The following PLAC1 variants were observed in gnomAD, a reference collection of about 807,000 sequenced individuals.
PLAC1 encodes placenta associated 1.
For missense variants in PLAC1, 136 were observed against 163.2 expected, an observed-to-expected ratio of 0.83 and a Z score of 0.91; for synonymous variants, 68 against 62.1, an observed-to-expected ratio of 1.09 and a Z score of -0.44.
intron 1 of PLAC1, among the ~76,000 whole-genome samples, chrX:134,631,612 G>A (rs985389528): frequency 1.8e-5 from 2 of 111,701 alleles, no homozygotes; most frequent in Non-Finnish European, 3.8e-5. Flanking sequence ...CGTGGGGGTT[G>A]GATTGAGCAA....
intron 2 of PLAC1, among the ~76,000 whole-genome samples, chrX:134,696,746 T>G (rs1395177836): frequency 9.0e-6 from 1 of 111,306 alleles, no homozygotes; most frequent in Non-Finnish European, 1.9e-5. Context: ...AATGTCTGTT[T>G]GGCCGGGCGC....
At chrX:134,613,997 T>C (rs1318235347) in intron 1 of PLAC1, among the ~76,000 whole-genome samples, 1 of 110,498 alleles carries the variant, frequency 9.0e-6, no homozygotes, top group Non-Finnish European at 1.9e-5. Flanking sequence ...GACCACTGTG[T>C]GAGCCCCTCC....
intron 2 of PLAC1, among the ~76,000 whole-genome samples, chrX:134,680,608 C>CT: frequency 9.0e-6 from 1 of 111,110 alleles, no homozygotes; most frequent in Non-Finnish European, 1.9e-5. Flanking sequence ...CTAAACTAAA[C>CT]ACCTTCCTTC....
chrX:134,756,318 C>T (rs1476925913), intron 1 of PLAC1, among the ~76,000 whole-genome samples: 2 of 108,363 alleles, frequency 1.8e-5, no homozygotes, highest in East Asian at 2.8e-4. Context: ...AATTAATCGA[C>T]GTTTTCTTCT....
intron 2 of PLAC1, among the ~76,000 whole-genome samples, chrX:134,725,972 G>A (rs2078673111): frequency 9.0e-6 from 1 of 111,611 alleles, no homozygotes; most frequent in South Asian, 3.8e-4. Context: ...ACTCCAGCCT[G>A]GGTGACAGAG....
In PLAC1 at chrX:134,566,537, C is replaced by G. The variant is rs201999132; in HGVS notation, c.146G>C (p.Cys49Ser). ...CAAGTGTAGTTCATGAAAGTGTACACACACATCGTTGTTTAGCATGAAGGG... is the reference window on the plus strand; with the variant it reads ...CAAGTGTAGTTCATGAAAGTGTACAGACACATCGTTGTTTAGCATGAAGGG... ...VHPFMLNNDVCVHFHELHLGL... is the reference protein window; with the variant it reads ...VHPFMLNNDVSVHFHELHLGL... The change falls in exon 3 of 3, where the codon TGT becomes TCT. Residue 49 changes from cysteine (C) to serine (S), a missense_variant. Physicochemically the swap from Cys to Ser is moderately radical, Grantham distance 112 (BLOSUM62 -1). Coordinates refer to ENST00000359237, the MANE Select transcript of PLAC1 (RefSeq NM_021796.4). 7.4e-6 allele frequency: 9 copies of G among 1,211,951 alleles called. No individual in the cohort carries two copies. Among genetic ancestry groups the G allele is most frequent in the Middle Eastern group, 2.3e-4 (1 of 4,343 alleles).
intron 2 of PLAC1, among the ~76,000 whole-genome samples, chrX:134,572,506 C>A (rs2077913989): frequency 8.9e-6 from 1 of 112,061 alleles, no homozygotes; most frequent in Admixed American, 9.5e-5. Flanking sequence ...CATTATTCAT[C>A]ATTTTGTGTG....
At chrX:134,714,107 C>T (rs892829244) in intron 2 of PLAC1, among the ~76,000 whole-genome samples, 3 of 111,928 alleles carry the variant, frequency 2.7e-5, no homozygotes, top group Non-Finnish European at 3.8e-5. Context: ...TCAGGCCAGT[C>T]CAAATTACCT....
chrX:134,710,501 G>T (rs1055327044), intron 2 of PLAC1, among the ~76,000 whole-genome samples: 1 of 111,570 alleles, frequency 9.0e-6, no homozygotes, highest in Non-Finnish European at 1.9e-5. Context: ...AATCCAGTGT[G>T]CAAAGACACA....
chrX:134,748,950 C>T (rs2078735166), intron 1 of PLAC1, among the ~76,000 whole-genome samples: 2 of 112,204 alleles, frequency 1.8e-5, no homozygotes, highest in Admixed American at 9.5e-5. Flanking sequence ...AAGAAGAGTT[C>T]TAATCAGGGT....
intron 1 of PLAC1, among the ~76,000 whole-genome samples, chrX:134,627,950 G>C (rs2078243769): frequency 9.0e-6 from 1 of 111,615 alleles, no homozygotes; most frequent in Admixed American, 9.5e-5. Flanking sequence ...GTCTGACTTA[G>C]GGAAGATGAG....
chrX:134,628,517 G>A (rs1018934514), intron 1 of PLAC1, among the ~76,000 whole-genome samples: 1 of 111,806 alleles, frequency 8.9e-6, no homozygotes, highest in Non-Finnish European at 1.9e-5. Flanking sequence ...TCCTGGTTTC[G>A]TCAAGACCTT....
intron 1 of PLAC1, chrX:134,651,206 C>A: frequency 4.4e-6 from 1 of 229,638 alleles, no homozygotes; most frequent in South Asian, 7.2e-5. Flanking sequence ...TAGCTGCGTA[C>A]CATGCGATCT....
intron 1 of PLAC1, among the ~76,000 whole-genome samples, chrX:134,634,818 C>T (rs191157001): frequency 0.013 from 1,448 of 112,039 alleles, 23 homozygotes; most frequent in African/African-American, 0.045. Flanking sequence ...TGAATAATAC[C>T]GCCATGAACA....
chrX:134,609,109 A>T (rs2078139804), intron 1 of PLAC1, among the ~76,000 whole-genome samples: 1 of 110,585 alleles, frequency 9.0e-6, no homozygotes, highest in African/African-American at 3.3e-5. Flanking sequence ...AAGTGTTAGG[A>T]TTATAGGCAT....
At chrX:134,637,381 C>T (rs1461769269) in intron 1 of PLAC1, among the ~76,000 whole-genome samples, 2 of 111,723 alleles carry the variant, frequency 1.8e-5, no homozygotes, top group African/African-American at 6.5e-5. Flanking sequence ...TTCAATAGCC[C>T]TATTTGCAAG....
chrX:134,594,595 A>G (rs1364703751), intron 2 of PLAC1, among the ~76,000 whole-genome samples: 2 of 110,950 alleles, frequency 1.8e-5, no homozygotes, highest in Non-Finnish European at 3.8e-5. Context: ...CTGTATTTAT[A>G]TTGGGTGAAT....
rs1344952676 is a variant in PLAC1, at chrX:134,663,647, C to T, written n.175-61525G>A. Among the ~76,000 whole-genome samples the T allele has an allele frequency of 5.3e-5, 6 of 112,509 alleles. No individual in the cohort carries two copies. In the East Asian group the frequency reaches 8.3e-4, roughly 16 times the overall value. On this transcript the variant is annotated intron_variant and non_coding_transcript_variant, in intron 2 of 2. Transcript: ENST00000466797. ...GAGCCATCTTAAGGCATTTGAGTTA[C>T]GGCTGCAAGTTCTAACCCTCTTCAT...
intron 2 of PLAC1, among the ~76,000 whole-genome samples, chrX:134,732,480 C>T (rs774786260): frequency 1.8e-5 from 2 of 111,650 alleles, no homozygotes; most frequent in African/African-American, 3.3e-5. Context: ...CTACACTCCT[C>T]GCCAACAGTT....
Sources: allele counts gnomAD v4.1 joint callset (sites outside exome capture counted in the v4.1 genomes callset), GRCh38; gene constraint gnomAD v4.1.1; transcripts MANE v1.5; gene names NCBI Gene and HGNC (gene_info 2026-07-23, HGNC 2026-07-21).